DISC1: variants seen among roughly 807,000 people sequenced by gnomAD.
The protein encoded by DISC1 is disrupted in schizophrenia 1 protein.
DISC1 carries 57 observed loss-of-function variants against 84.5 expected under a neutral mutation model. The observed-to-expected ratio is 0.67, with a 90% CI of 0.55 to 0.84. DISC1 has a LOEUF of 0.84. DISC1 is among the 40% of genes least tolerant of loss of function. DISC1 has a pLI of 0.00. For missense variants in DISC1, 1,000 were observed against 1,057.8 expected (o/e 0.95, Z 0.76); for synonymous variants, 411 against 415.2 (o/e 0.99, Z 0.12).
intron 5 of DISC1, 29 bp from the exon 6 acceptor site, chr1:231,770,806 A>G (rs2076502743): frequency 6.2e-7 from 1 of 1,607,516 alleles, no homozygotes; most frequent in East Asian, 2.2e-5. Context: ...GGGTTAATTT[A>G]TAAAATCTTG....
At chr1:231,865,181 C>T (rs182074467) in intron 9 of DISC1, among the ~76,000 whole-genome samples, 28 of 152,330 alleles carry the variant, frequency 1.8e-4, no homozygotes, top group Non-Finnish European at 3.7e-4. Context: ...GGTCTTCACT[C>T]TAGAGCTCTT....
chr1:232,022,233 A>G (rs1327232783), intron 11 of DISC1, among the ~76,000 whole-genome samples: 2 of 152,066 alleles, frequency 1.3e-5, no homozygotes, highest in Non-Finnish European at 2.9e-5. Context: ...GAAATGGCCA[A>G]GGAAGTTTTG....
intron 10 of DISC1, among the ~76,000 whole-genome samples, chr1:232,002,908 A>G (rs1666898435): frequency 6.6e-6 from 1 of 152,142 alleles, no homozygotes. Flanking sequence ...CACAAGGGGA[A>G]CTCTGACGAA....
intron 5 of DISC1, among the ~76,000 whole-genome samples, chr1:231,768,349 C>T (rs2076311454): frequency 6.6e-6 from 1 of 152,088 alleles, no homozygotes; most frequent in African/African-American, 2.4e-5. Flanking sequence ...TCTGAATTTG[C>T]CCCATCCAGG....
rs2063074829 is a variant in DISC1, at chr1:231,675,697, A to T, written c.68-18129A>T. On this transcript the variant is annotated intron_variant, in intron 1 of 12. Transcript: ENST00000439617. This position sits in a 1 kb window ranked among gnomAD's most constrained non-coding sequence, Gnocchi z 4.1. ...CCCTTATCCCTTGGGGGCTCTCTGG[A>T]TGAGGGCTTTCTCTGTCTTTGTCTT... is the stretch of plus-strand genomic sequence containing the variant. Among the ~76,000 whole-genome samples, 1 of 152,004 alleles carries T rather than the reference A, an allele frequency of 6.6e-6. No individual in the cohort carries two copies. Among genetic ancestry groups the T allele is most frequent in the Admixed American group, 6.6e-5 (1 of 15,258 alleles).
chr1:231,721,119 C>G (rs2069621164), intron 3 of DISC1: 1 of 1,284,724 alleles, frequency 7.8e-7, no homozygotes, highest in Non-Finnish European at 1.0e-6. Context: ...CAAATGAGTA[C>G]AATAACATTA....
chr1:231,740,823 AATTTTGGCTGC>A (rs2073165469), intron 3 of DISC1, among the ~76,000 whole-genome samples: 1 of 152,174 alleles, frequency 6.6e-6, no homozygotes, highest in African/African-American at 2.4e-5. Context: ...CATGAAACAA[AATTTTGGCTGC>A]ATTTTGACTA....
At chr1:231,947,771 AATAG>A (rs1657517006) in intron 9 of DISC1, among the ~76,000 whole-genome samples, 1 of 152,248 alleles carries the variant, frequency 6.6e-6, no homozygotes. Flanking sequence ...GTAAAAAACA[AATAG>A]CCCCATCAAA....
At chr1:232,006,375 G>C (rs1479775859) in intron 10 of DISC1, among the ~76,000 whole-genome samples, 2 of 152,132 alleles carry the variant, frequency 1.3e-5, no homozygotes, top group Admixed American at 1.3e-4. Flanking sequence ...ATGAAGTCCA[G>C]GCTGAGGTGG....
chr1:232,012,009 G>GCTGT (rs1668062718), intron 11 of DISC1, among the ~76,000 whole-genome samples: 1 of 152,202 alleles, frequency 6.6e-6, no homozygotes, highest in Non-Finnish European at 1.5e-5. Context: ...ATCTCATGAA[G>GCTGT]CTGTGATGAA....
rs912132095 is a variant in DISC1, at chr1:231,635,352, A to G, written c.67+8418A>G. Among the ~76,000 whole-genome samples the G allele has an allele frequency of 3.3e-5, 5 of 152,096 alleles. No homozygotes were observed. The East Asian group carries it at 9.6e-4, about 29-fold the overall frequency. On this transcript the variant is annotated intron_variant, in intron 1 of 12. Coordinates refer to ENST00000439617, the MANE Select transcript of DISC1 (RefSeq NM_018662.3). ...ATGCACATTATTCTGCCCACCGAGA[A>G]TATTACAGAATCCGTCTTTCTTGCT...
Position 232,031,664 on chromosome 1 carries a change from G to A in DISC1, c.2426-5028G>A, listed in dbSNP as rs1172030461. The stretch of plus-strand genomic sequence containing the variant: ...TGGAGTGGGACGGGGAAGAGTTGGA[G>A]CCCCACAGTGGGTGGGGGAGGGCAA... On this transcript the variant is annotated intron_variant, in intron 12 of 12. Coordinates refer to ENST00000439617, the MANE Select transcript of DISC1 (RefSeq NM_018662.3). The surrounding 1 kb of genome is among the most constrained non-coding windows in gnomAD (Gnocchi z 4.6). Among the ~76,000 whole-genome samples the A allele has an allele frequency of 6.6e-6, 1 of 152,158 alleles. No individual in the cohort carries two copies. Among genetic ancestry groups the A allele is most frequent in the Non-Finnish European group, 1.5e-5 (1 of 68,030 alleles).
intron 9 of DISC1, among the ~76,000 whole-genome samples, chr1:231,913,482 T>C (rs2089405935): frequency 6.6e-6 from 1 of 152,168 alleles, no homozygotes; most frequent in African/African-American, 2.4e-5. Context: ...CTTTCCCTGA[T>C]TGTAGCAGGA....
At chr1:231,778,625 G>A (rs1175309974) in intron 6 of DISC1, among the ~76,000 whole-genome samples, 1 of 152,104 alleles carries the variant, frequency 6.6e-6, no homozygotes, top group Admixed American at 6.5e-5. Context: ...CTTCTGGAAA[G>A]TCGTCATTAC....
At chr1:231,729,233 G>T (rs1466623634) in intron 3 of DISC1, among the ~76,000 whole-genome samples, 1 of 152,172 alleles carries the variant, frequency 6.6e-6, no homozygotes, top group Non-Finnish European at 1.5e-5. Context: ...TCTTAATCCA[G>T]TCTATCATTG....
At chr1:231,729,346 G>C (rs947892642) in intron 3 of DISC1, among the ~76,000 whole-genome samples, 1 of 152,050 alleles carries the variant, frequency 6.6e-6, no homozygotes, top group African/African-American at 2.4e-5. Flanking sequence ...TAATCCTTTG[G>C]GTATATACCC....
intron 3 of DISC1, among the ~76,000 whole-genome samples, chr1:231,736,444 A>C (rs1315130341): frequency 6.6e-6 from 1 of 152,210 alleles, no homozygotes; most frequent in African/African-American, 2.4e-5. Context: ...CACTTTCTGC[A>C]TTTGTATTCT....
chr1:231,691,010 G>T (rs2064936709), intron 1 of DISC1, among the ~76,000 whole-genome samples: 1 of 152,150 alleles, frequency 6.6e-6, no homozygotes, highest in African/African-American at 2.4e-5. Flanking sequence ...CTGGTCCCCG[G>T]CTCATCACAG....
intron 9 of DISC1, among the ~76,000 whole-genome samples, chr1:231,887,868 T>C (rs2086890441): frequency 6.6e-6 from 1 of 152,252 alleles, no homozygotes; most frequent in Admixed American, 6.5e-5. Flanking sequence ...TGTTTTATTC[T>C]TGGAGTATTT....
Sources: allele counts gnomAD v4.1 joint callset (sites outside exome capture counted in the v4.1 genomes callset), GRCh38; gene constraint gnomAD v4.1.1; non-coding constraint Gnocchi (gnomAD v3.1); transcripts MANE v1.5; gene names NCBI Gene and HGNC (gene_info 2026-07-23, HGNC 2026-07-21).